The following PSD3 variants were observed in gnomAD, a reference collection of about 807,000 sequenced individuals.
The protein encoded by PSD3 is pleckstrin and Sec7 domain containing 3.
A neutral mutation model predicts 105.5 loss-of-function variants in PSD3; 49 were observed. The ratio of observed to expected loss-of-function variants is 0.46; its 90% confidence interval spans 0.37 to 0.59. PSD3 has a LOEUF of 0.59. Ranked by LOEUF, PSD3 falls within the 20% of genes least tolerant of loss-of-function variation. PSD3 has a pLI of 0.00. For missense variants in PSD3, 1,561 were observed against 1,263.8 expected (o/e 1.24, Z -3.57); for synonymous variants, 557 against 457.8 (o/e 1.22, Z -2.77).
intron 2 of PSD3, among the ~76,000 whole-genome samples, chr8:18,916,004 G>T (rs911143545): frequency 3.3e-5 from 5 of 152,006 alleles, no homozygotes; most frequent in Non-Finnish European, 7.4e-5. Context: ...GCTAAGGCAG[G>T]AGAATCGCTT....
intron 14 of PSD3, among the ~76,000 whole-genome samples, chr8:18,562,853 C>A (rs1167509695): frequency 1.3e-5 from 2 of 151,888 alleles, no homozygotes; most frequent in African/African-American, 2.4e-5. Context: ...CATGCCACTG[C>A]ACTCCAGCCT....
chr8:18,828,067 A>ATATATATATATATATATATAT (rs371473289), intron 4 of PSD3, among the ~76,000 whole-genome samples: 15 of 118,880 alleles, frequency 1.3e-4, no homozygotes, highest in African/African-American at 4.6e-4. Context: ...ATATATATAT[A>ATATATATATATATATATATAT]TTTTTTTTTT....
chr8:18,773,965 T>C (rs1807789906), intron 8 of PSD3, among the ~76,000 whole-genome samples: 1 of 152,234 alleles, frequency 6.6e-6, no homozygotes, highest in Non-Finnish European at 1.5e-5. Context: ...AAATTTATTC[T>C]CTAATATCTT....
At chr8:18,952,496 C>T (rs1348411047) in intron 1 of PSD3, among the ~76,000 whole-genome samples, 3 of 152,280 alleles carry the variant, frequency 2.0e-5, no homozygotes, top group Admixed American at 6.5e-5. Flanking sequence ...TGGTTCAACG[C>T]GGTTAACAGC....
At chr8:18,656,516 G>GT (rs1808907692) in intron 9 of PSD3, among the ~76,000 whole-genome samples, 1 of 152,120 alleles carries the variant, frequency 6.6e-6, no homozygotes, top group Non-Finnish European at 1.5e-5. Flanking sequence ...TATTATAAAT[G>GT]TAACATCCCA....
intron 9 of PSD3, among the ~76,000 whole-genome samples, chr8:18,688,444 T>C (rs558457220): frequency 1.3e-5 from 2 of 152,288 alleles, no homozygotes; most frequent in East Asian, 1.9e-4. Context: ...TCCTGTTACA[T>C]TATCACATAC....
chr8:19,015,908 A>G (rs1489443757), upstream of PSD3, among the ~76,000 whole-genome samples: 1 of 152,230 alleles, frequency 6.6e-6, no homozygotes, highest in East Asian at 1.9e-4. Flanking sequence ...ATATTTTAAG[A>G]TTGTACTTAT....
intron 9 of PSD3, among the ~76,000 whole-genome samples, chr8:18,717,198 T>C (rs1489886389): frequency 6.6e-6 from 1 of 152,106 alleles, no homozygotes; most frequent in Non-Finnish European, 1.5e-5. Context: ...GAGAATGAAA[T>C]AAAAATAAAA....
At chr8:18,750,047 T>C (rs1805345022) in intron 9 of PSD3, among the ~76,000 whole-genome samples, 1 of 152,202 alleles carries the variant, frequency 6.6e-6, no homozygotes, top group African/African-American at 2.4e-5. Context: ...AACGATGAGA[T>C]AATGATCAAT....
In PSD3 at chr8:18,808,721, A is replaced by G. The variant is rs750951018; in HGVS notation, c.1635-3823T>C. 30 of 1,613,794 alleles carry G rather than the reference A, an allele frequency of 1.9e-5. No individual in the cohort carries two copies. In the African/African-American group the frequency reaches 2.4e-4, roughly 13 times the overall value. On this transcript the variant is annotated intron_variant, in intron 4 of 15. Transcript: ENST00000327040. ...ACCGGAATTGCTCCTTTTAAATCAG[A>G]AAGCTTGACAATATGATGGCAATAT...
intron 9 of PSD3, among the ~76,000 whole-genome samples, chr8:18,737,422 T>C (rs1804235791): frequency 6.6e-6 from 1 of 152,166 alleles, no homozygotes; most frequent in African/African-American, 2.4e-5. Flanking sequence ...CTTCCTGGGC[T>C]CAAGCGATCC....
chr8:18,667,041 G>A (rs1045133982), intron 9 of PSD3, among the ~76,000 whole-genome samples: 1 of 152,044 alleles, frequency 6.6e-6, no homozygotes, highest in Non-Finnish European at 1.5e-5. Flanking sequence ...TCGTGGTCTC[G>A]CTGGCTTCAG....
chr8:18,776,047 T>C (rs946519754), intron 8 of PSD3, among the ~76,000 whole-genome samples: 3 of 152,074 alleles, frequency 2.0e-5, no homozygotes, highest in Admixed American at 6.6e-5. Context: ...AGAGTCTAGT[T>C]TGATTCTTCT....
intron 1 of PSD3, among the ~76,000 whole-genome samples, chr8:19,054,473 G>T (rs1413710738): frequency 6.6e-6 from 1 of 152,120 alleles, no homozygotes; most frequent in African/African-American, 2.4e-5. Context: ...AGGAAAGGAG[G>T]AAGGGAAGGA....
At chr8:18,812,444 CTAAG>C (rs1811776152) in intron 4 of PSD3, among the ~76,000 whole-genome samples, 3 of 152,166 alleles carry the variant, frequency 2.0e-5, no homozygotes, top group Non-Finnish European at 4.4e-5. Flanking sequence ...AAGGATCACT[CTAAG>C]TATTGCTTTG....
chr8:18,931,339 C>A (rs1407287249), intron 2 of PSD3, among the ~76,000 whole-genome samples: 1 of 151,458 alleles, frequency 6.6e-6, no homozygotes, highest in Non-Finnish European at 1.5e-5. Flanking sequence ...AAAAAAAAAA[C>A]AGGTAATTTT....
At chr8:18,612,840 T>C (rs145174536) in intron 11 of PSD3, among the ~76,000 whole-genome samples, 160 of 152,226 alleles carry the variant, frequency 1.1e-3, no homozygotes, top group Non-Finnish European at 2.0e-3. Flanking sequence ...AAGTAGACAA[T>C]AGAAGAGACA....
At chr8:18,671,526 G>A (rs571536293) in intron 9 of PSD3, among the ~76,000 whole-genome samples, 1 of 152,258 alleles carries the variant, frequency 6.6e-6, no homozygotes, top group South Asian at 2.1e-4. Flanking sequence ...ATGAATTAAA[G>A]GTTAACTTCC....
chr8:18,855,512 T>C lies in PSD3; in HGVS notation c.1634+12162A>G, dbSNP rs144187706. Among the ~76,000 whole-genome samples, 165 of 152,232 alleles carry C rather than the reference T, an allele frequency of 1.1e-3. 1 individual carries two copies. The highest frequency in any genetic ancestry group is 3.9e-3 in the African/African-American group (162 of 41,536). On this transcript the variant is annotated intron_variant, in intron 4 of 15. Transcript: ENST00000327040. ...CAAACTAGGGCTGAGTCAATAAGAATGAATTTCAAATACTGAGGAAAAAAG... is the reference window on the plus strand; with the variant it reads ...CAAACTAGGGCTGAGTCAATAAGAACGAATTTCAAATACTGAGGAAAAAAG...
Sources: gnomAD v4.1 joint callset for allele counts (sites outside exome capture counted in the v4.1 genomes callset) on GRCh38, gnomAD v4.1.1 for gene constraint, MANE v1.5 for transcripts, NCBI Gene and HGNC (gene_info 2026-07-23, HGNC 2026-07-21) for gene names.